The following ATP10B variants were observed in gnomAD, a reference collection of about 807,000 sequenced individuals.
ATP10B encodes ATPase phospholipid transporting 10B (putative), also known as phospholipid-transporting ATPase VB.
ATP10B carries 122 observed loss-of-function variants against 141.2 expected under a neutral mutation model. That is an observed-to-expected ratio of 0.86 (90% CI 0.75 to 1.00). ATP10B has a LOEUF of 1.00. ATP10B is among the 50% of genes least tolerant of loss of function. ATP10B has a pLI of 0.00. For missense variants in ATP10B, 1,876 were observed against 1,825.3 expected, an observed-to-expected ratio of 1.03 and a Z score of -0.51; for synonymous variants, 685 against 692.0, an observed-to-expected ratio of 0.99 and a Z score of 0.16.
rs562764486 is a variant in ATP10B at position 160,602,616 on chromosome 5, G to A, written c.3324C>T (p.Arg1108=). The A allele has an allele frequency of 6.2e-7, 1 of 1,614,022 alleles. No homozygotes were observed. Among genetic ancestry groups the A allele is most frequent in the Non-Finnish European group, 8.5e-7 (1 of 1,179,918 alleles). Residue 1108 remains arginine (R), a synonymous_variant, in exon 21 of 26, where the codon CGC becomes CGT. Coordinates refer to ENST00000327245, the MANE Select transcript of ATP10B (RefSeq NM_025153.3). ...LLVHGHWCYS[R]LARMVVYYLY... ...GGTAGTACACCACCATCCTGGCCAG[G>A]CGCGAGTAACACCAGTGGCCATGCA...
At chr5:160,922,733 C>A in the ATP10B span, among the ~76,000 whole-genome samples, 2 of 152,224 alleles carry the variant, frequency 1.3e-5, no homozygotes, top group African/African-American at 4.8e-5. Context: ...GTGAATATAT[C>A]TTTGAGCAGC....
intron 7 of ATP10B, among the ~76,000 whole-genome samples, chr5:160,652,915 A>T (rs1255468827): frequency 7.3e-5 from 5 of 68,098 alleles, no homozygotes; most frequent in African/African-American, 3.1e-4. Flanking sequence ...ATATACATGT[A>T]TATATAATAT....
intron 13 of ATP10B, 146 bp from the exon 14 acceptor site, chr5:160,622,731 C>T (rs1581215740): frequency 4.2e-6 from 3 of 716,394 alleles, no homozygotes; most frequent in Non-Finnish European, 6.7e-6. Flanking sequence ...CTGGCCATTG[C>T]CAATTCTTAT....
At chr5:160,597,180 C>G (rs1429330596) in intron 22 of ATP10B, among the ~76,000 whole-genome samples, 1 of 152,230 alleles carries the variant, frequency 6.6e-6, no homozygotes, top group African/African-American at 2.4e-5. Context: ...CAGCATGGTA[C>G]TGGTACCAAA....
intron 6 of ATP10B, among the ~76,000 whole-genome samples, chr5:160,685,542 G>T (rs1450288314): frequency 6.6e-6 from 1 of 152,176 alleles, no homozygotes; most frequent in African/African-American, 2.4e-5. Context: ...CTAAAAGCAA[G>T]AATTTTCAAC....
At chr5:160,823,001 C>CATATATATATATATATACAT (rs1774261887) in intron 1 of ATP10B, among the ~76,000 whole-genome samples, 2 of 34,482 alleles carry the variant, frequency 5.8e-5, no homozygotes, top group African/African-American at 1.9e-4. Flanking sequence ...TATATATATA[C>CATATATATATATATATACAT]ATATATATAT....
At chr5:160,897,735 C>G in the ATP10B span, among the ~76,000 whole-genome samples, 1 of 152,172 alleles carries the variant, frequency 6.6e-6, no homozygotes, top group African/African-American at 2.4e-5. Flanking sequence ...ATAGCCAAGA[C>G]AATCCTAAGC....
intron 1 of ATP10B, among the ~76,000 whole-genome samples, chr5:160,843,893 C>T (rs1379280020): frequency 1.3e-5 from 2 of 151,682 alleles, no homozygotes; most frequent in South Asian, 4.2e-4. Flanking sequence ...AAATTTTATA[C>T]TTTTCTGTAA....
the ATP10B span, among the ~76,000 whole-genome samples, chr5:160,898,802 A>C: frequency 0.46 from 69,164 of 151,992 alleles, 16,971 homozygotes; most frequent in Non-Finnish European, 0.54. Context: ...ACACCATGGA[A>C]TACCATGCAG....
chr5:160,725,857 A>AT (rs1385450354), intron 2 of ATP10B, among the ~76,000 whole-genome samples: 8 of 152,156 alleles, frequency 5.3e-5, no homozygotes, highest in Non-Finnish European at 8.8e-5. Flanking sequence ...TGTGACTCAG[A>AT]TTTTTTAATA....
chr5:160,892,004 G>GTTA, the ATP10B span, among the ~76,000 whole-genome samples: 1 of 152,126 alleles, frequency 6.6e-6, no homozygotes, highest in African/African-American at 2.4e-5. Context: ...ACAGTCATTT[G>GTTA]TTATTTTTCT....
chr5:160,672,381 T>C (rs1272879149), intron 6 of ATP10B, among the ~76,000 whole-genome samples: 1 of 152,186 alleles, frequency 6.6e-6, no homozygotes, highest in Non-Finnish European at 1.5e-5. Context: ...TTCCACCTTC[T>C]ACCATTCTTT....
At chr5:160,572,945 ACAAATT>A (rs1314597557) in intron 24 of ATP10B, among the ~76,000 whole-genome samples, 1 of 152,232 alleles carries the variant, frequency 6.6e-6, no homozygotes, top group African/African-American at 2.4e-5. Context: ...CATCTTGAAC[ACAAATT>A]CAGTGTGTAT....
intron 7 of ATP10B, among the ~76,000 whole-genome samples, chr5:160,666,054 A>G (rs1421958): frequency 0.84 from 127,602 of 152,134 alleles, 53,701 homozygotes; most frequent in South Asian, 0.88. Context: ...TCCCATGGTG[A>G]TCTTAGGCTT....
At chr5:160,842,572 A>C (rs796320792) in intron 1 of ATP10B, among the ~76,000 whole-genome samples, 3 of 152,172 alleles carry the variant, frequency 2.0e-5, no homozygotes, top group African/African-American at 7.2e-5. Context: ...CAAATAACCA[A>C]TAACCAAAGG....
chr5:160,782,787 T>C (rs922801564), intron 2 of ATP10B, among the ~76,000 whole-genome samples: 12 of 150,618 alleles, frequency 8.0e-5, no homozygotes, highest in African/African-American at 1.7e-4. Flanking sequence ...AAAAATGACA[T>C]GTACATACAC....
chr5:160,854,726 T>C (rs180730531), upstream of ATP10B, among the ~76,000 whole-genome samples: 1 of 152,298 alleles, frequency 6.6e-6, no homozygotes, highest in African/African-American at 2.4e-5. Context: ...TTCTAGATCC[T>C]TGAAGAATCT....
At chr5:160,839,251 C>G (rs1047515765) in intron 1 of ATP10B, among the ~76,000 whole-genome samples, 1 of 152,032 alleles carries the variant, frequency 6.6e-6, no homozygotes. Context: ...GGAGAAAACT[C>G]AAGTGTGAAG....
At chr5:160,571,057 AT>A (rs1754845467) in intron 24 of ATP10B, among the ~76,000 whole-genome samples, 1 of 151,924 alleles carries the variant, frequency 6.6e-6, no homozygotes, top group Non-Finnish European at 1.5e-5. Context: ...GTAAGTATGA[AT>A]TTCTTTTTAT....
Sources: allele counts gnomAD v4.1 joint callset (sites outside exome capture counted in the v4.1 genomes callset), GRCh38; gene constraint gnomAD v4.1.1; transcripts MANE v1.5; gene names NCBI Gene and HGNC (gene_info 2026-07-23, HGNC 2026-07-21).